Variants in KLHL6 observed in about 807,000 individuals in gnomAD.
KLHL6 encodes the protein kelch-like protein 6.
KLHL6 carries 41 observed loss-of-function variants against 58.6 expected under a neutral mutation model. The ratio of observed to expected loss-of-function variants is 0.70; its 90% CI spans 0.55 to 0.91. KLHL6 has a LOEUF of 0.91. KLHL6 is among the 40% of genes least tolerant of loss of function. The pLI is 0.00. For missense variants in KLHL6, 714 were observed against 805.6 expected, an observed-to-expected ratio of 0.89 and a Z score of 1.38; for synonymous variants, 338 against 322.7, an observed-to-expected ratio of 1.05 and a Z score of -0.51.
chr3:183,508,290 G>C lies in KLHL6; in HGVS notation c.678C>G (p.Asp226Glu), dbSNP rs143215867. The C allele has an allele frequency of 1.2e-4, 186 of 1,614,196 alleles. 2 individuals carry two copies. In the African/African-American group the frequency reaches 2.3e-3, roughly 20 times the overall value. Residue 226 changes from aspartate to glutamate, a missense_variant, in exon 3 of 7, where the codon GAC (aspartate) becomes GAG (glutamate). Physicochemically the swap from Asp to Glu is conservative, Grantham distance 45. Coordinates refer to ENST00000341319, the MANE Select transcript of KLHL6 (RefSeq NM_130446.4). ...CCTGAGCCTCCTCGGTCACGTAAAG[G>C]TCATCACTCTTCAAGATGTGGTGCA... ...DTLHHILKSDDLYVTEEAQVF... is the reference protein window; with the variant it reads ...DTLHHILKSDELYVTEEAQVF...
chr3:183,524,276 T>G (rs1385181923), intron 2 of KLHL6, among the ~76,000 whole-genome samples: 1 of 152,112 alleles, frequency 6.6e-6, no homozygotes, highest in Non-Finnish European at 1.5e-5. Context: ...ACCTTTGGCT[T>G]CTCTAGAGCC....
intron 2 of KLHL6, among the ~76,000 whole-genome samples, chr3:183,510,612 C>T (rs140230392): frequency 0.039 from 5,905 of 152,196 alleles, 166 homozygotes; most frequent in Non-Finnish European, 0.06. Context: ...CGGTGGCTCA[C>T]GCCTGTAATC....
At chr3:183,534,096 A>AAGTACTTTAAAAGTACTTTACTTTTAT (rs1712261217) in intron 1 of KLHL6, among the ~76,000 whole-genome samples, 1 of 139,740 alleles carries the variant, frequency 7.2e-6, no homozygotes, top group Non-Finnish European at 1.6e-5. Flanking sequence ...TTTACTTTTA[A>AAGTACTTTAAAAGTACTTTACTTTTAT]AGTACTTTAA....
In KLHL6 at chr3:183,555,366, A is replaced by G. The variant is rs147720844; in HGVS notation, c.288T>C (p.Tyr96=). The G allele has an allele frequency of 1.6e-5, 26 of 1,613,874 alleles. No homozygotes were observed. The African/African-American group carries it at 2.1e-4, about 13-fold the overall frequency. Residue 96 remains tyrosine (Y), a synonymous_variant, in exon 1 of 7, where the codon TAT becomes TAC. Transcript: ENST00000341319. ...HRVVLAAASN[Y]FRAMFCNDLK... ...CTGGTCCTAGGCATGCTGACCTGAAATAGTTGCTGGCTGCGGCAAGCACCA... is the reference window on the plus strand; with the variant it reads ...CTGGTCCTAGGCATGCTGACCTGAAGTAGTTGCTGGCTGCGGCAAGCACCA...
chr3:183,547,602 C>T (rs748561580), intron 1 of KLHL6, among the ~76,000 whole-genome samples: 15 of 152,178 alleles, frequency 9.9e-5, no homozygotes, highest in Non-Finnish European at 1.6e-4. Context: ...GAAAATCATT[C>T]TCTCACTGTG....
intron 1 of KLHL6, among the ~76,000 whole-genome samples, chr3:183,551,457 G>A (rs769869011): frequency 1.1e-4 from 16 of 152,326 alleles, no homozygotes; most frequent in Non-Finnish European, 2.2e-4. Flanking sequence ...ATGAAAAAAT[G>A]AGTGAATTAA....
At chr3:183,514,761 C>G (rs1711513222) in intron 2 of KLHL6, among the ~76,000 whole-genome samples, 1 of 151,886 alleles carries the variant, frequency 6.6e-6, no homozygotes, top group South Asian at 2.1e-4. Context: ...TTCTGCCTCC[C>G]AGGTTCAAGT....
At chr3:183,547,778 T>C (rs1474364783) in intron 1 of KLHL6, among the ~76,000 whole-genome samples, 1 of 152,212 alleles carries the variant, frequency 6.6e-6, no homozygotes, top group African/African-American at 2.4e-5. Flanking sequence ...GATAGCATGG[T>C]GTCCATTTCA....
intron 3 of KLHL6, among the ~76,000 whole-genome samples, chr3:183,500,734 G>T (rs1325493677): frequency 6.6e-6 from 1 of 152,074 alleles, no homozygotes; most frequent in Non-Finnish European, 1.5e-5. Flanking sequence ...TGATCCCCTG[G>T]GCTCCATGAT....
Position 183,492,587 on chromosome 3 carries a change from G to A in KLHL6, c.1471C>T (p.Pro491Ser), listed in dbSNP as rs1028524879. ...LATDKTQCYD[P>S]STNKWSLKAA... Reference sequence around the variant, plus strand: ...TTCAAACTCCACTTGTTGGTGGAAGGGTCATAACACTGAGTCTTGTCTGTG... The same window carrying A: ...TTCAAACTCCACTTGTTGGTGGAAGAGTCATAACACTGAGTCTTGTCTGTG... Residue 491 changes from proline to serine, a missense_variant, in exon 6 of 7, where the codon CCT becomes TCT. By Grantham distance (74) the Pro-to-Ser change is moderately conservative. This residue lies in a region of KLHL6 where 510 missense variants were observed against 629.7 expected (regional missense o/e 0.81). Transcript: ENST00000341319. The surrounding 1 kb of genome is among the most constrained non-coding windows in gnomAD (Gnocchi z 5.9). The A allele has an allele frequency of 6.2e-7, 1 of 1,614,184 alleles. No homozygotes were observed. The highest frequency in any genetic ancestry group is 1.1e-5 in the South Asian group (1 of 91,080).
chr3:183,492,011 C>T lies in KLHL6; in HGVS notation c.1782G>A (p.Arg594=). The T allele has an allele frequency of 6.2e-7, 1 of 1,608,154 alleles. No individual in the cohort carries two copies. Among genetic ancestry groups the T allele is most frequent in the Non-Finnish European group, 8.5e-7 (1 of 1,176,144 alleles). The change falls in exon 7 of 7, where the codon CGG becomes CGA. Residue 594 remains arginine, a synonymous_variant. Transcript: ENST00000341319. This position sits in a 1 kb window ranked among gnomAD's most constrained non-coding sequence, Gnocchi z 5.9. ...QKLTEECVLP[R]GVSHHGSVTI... is the part of the protein sequence containing the mutation. ...TGACGCTGCCGTGGTGCGACACGCCCCGGGGCAGGACGCACTCCTCTGTCA... is the reference window on the plus strand; with the variant it reads ...TGACGCTGCCGTGGTGCGACACGCCTCGGGGCAGGACGCACTCCTCTGTCA...
At chr3:183,555,275 C>T in intron 1 of KLHL6, 86 bp downstream of exon 1, 1 of 1,104,926 alleles carries the variant, frequency 9.1e-7, no homozygotes, top group Non-Finnish European at 1.3e-6. Flanking sequence ...ATATCATGGC[C>T]AACTGTTCAA....
intron 4 of KLHL6, among the ~76,000 whole-genome samples, chr3:183,496,901 G>C (rs1369601846): frequency 1.3e-5 from 2 of 152,224 alleles, no homozygotes; most frequent in Non-Finnish European, 2.9e-5. Flanking sequence ...CCTCTGGGAG[G>C]CTGAGGTGGG....
chr3:183,505,889 T>C (rs1397028250), intron 3 of KLHL6, among the ~76,000 whole-genome samples: 2 of 152,234 alleles, frequency 1.3e-5, no homozygotes, highest in Non-Finnish European at 2.9e-5. Context: ...ATATACATTA[T>C]AGTTTAAAAA....
chr3:183,492,704 C>CG lies in KLHL6; in HGVS notation c.1353dup (p.Ala452ArgfsTer16). 1.2e-6 allele frequency: 2 copies of CG among 1,612,980 alleles called. No individual in the cohort carries two copies. Among genetic ancestry groups the CG allele is most frequent in the Non-Finnish European group, 1.7e-6 (2 of 1,179,956 alleles). ...GAACTGACATGGACAAGGAGGGGTG[C>CG]GGCCTGTAGAGGCACAGGGCACAAG... On this transcript the variant is annotated frameshift_variant, in exon 6 of 7. Coordinates refer to ENST00000341319, the MANE Select transcript of KLHL6 (RefSeq NM_130446.4). LOFTEE classifies it high-confidence loss of function. The surrounding 1 kb of genome is among the most constrained non-coding windows in gnomAD (Gnocchi z 5.9).
intron 3 of KLHL6, among the ~76,000 whole-genome samples, chr3:183,507,452 GAC>G (rs1718040553): frequency 6.6e-6 from 1 of 151,892 alleles, no homozygotes; most frequent in South Asian, 2.1e-4. Flanking sequence ...TGCTTTTTGA[GAC>G]AGAGTCTCCC....
intron 1 of KLHL6, among the ~76,000 whole-genome samples, chr3:183,540,964 G>A (rs1445313648): frequency 2.6e-5 from 4 of 152,052 alleles, no homozygotes; most frequent in African/African-American, 7.2e-5. Flanking sequence ...GCTATTGCCC[G>A]GAGGCTCCAC....
intron 1 of KLHL6, among the ~76,000 whole-genome samples, chr3:183,537,681 A>G (rs1357664858): frequency 6.6e-6 from 1 of 151,908 alleles, no homozygotes; most frequent in Non-Finnish European, 1.5e-5. Context: ...CATGCCACAA[A>G]CACTGCCTGG....
In KLHL6 at chr3:183,555,500, C is replaced by G; in HGVS notation, c.154G>C (p.Ala52Pro). ...LNGEKVKFDDAGLSLILQNGL... is the reference protein window; with the variant it reads ...LNGEKVKFDDPGLSLILQNGL... ...TTCTGAAGAATTAAGGAGAGTCCCG[C>G]GTCGTCAAATTTGACCTTTTCCCCA... Residue 52 changes from alanine (A) to proline (P), a missense_variant, in exon 1 of 7, where the codon GCG becomes CCG. This residue lies in a region of KLHL6 where 204 missense variants were observed against 175.9 expected (regional missense o/e 1.16). Transcript: ENST00000341319. 6.2e-7 allele frequency: 1 copy of G among 1,614,126 alleles called. No individual in the cohort carries two copies.
Sources: gnomAD v4.1 joint callset for allele counts (sites outside exome capture counted in the v4.1 genomes callset) on GRCh38, gnomAD v4.1.1 for gene constraint, gnomAD v4.1.1 regional missense constraint, Gnocchi (gnomAD v3.1) non-coding constraint, MANE v1.5 for transcripts, NCBI Gene and HGNC (gene_info 2026-07-23, HGNC 2026-07-21) for gene names.